Variants in ABLIM2 observed in about 807,000 individuals in gnomAD.
The protein encoded by ABLIM2 is actin-binding LIM protein 2.
Under a neutral mutation model 97.7 loss-of-function variants are expected in ABLIM2, and 53 were observed. The observed-to-expected ratio is 0.54, with a 90% confidence interval of 0.44 to 0.68. The LOEUF is 0.68. Ranked by LOEUF, ABLIM2 falls within the 30% of genes least tolerant of loss-of-function variation. The pLI is 0.00. For synonymous variants in ABLIM2, 361 were observed against 345.8 expected, an observed-to-expected ratio of 1.04 and a Z score of -0.49; for missense variants, 835 against 867.2, an observed-to-expected ratio of 0.96 and a Z score of 0.47.
chr4:8,010,373 C>G, intron 14 of ABLIM2: 1 of 985,820 alleles, frequency 1.0e-6, no homozygotes, highest in Non-Finnish European at 1.2e-6. Context: ...GTCTCCGTCC[C>G]CAGCCCGCCA....
chr4:8,040,310 G>A (rs919564555), intron 9 of ABLIM2, among the ~76,000 whole-genome samples: 12 of 152,108 alleles, frequency 7.9e-5, no homozygotes, highest in Admixed American at 3.3e-4. Context: ...ACCAGCAGAG[G>A]TGAGATAAAA....
rs1848428688 is a variant in ABLIM2, at chr4:8,127,325, G to A, written c.11-20688C>T. Among the ~76,000 whole-genome samples the A allele has an allele frequency of 6.6e-6, 1 of 152,158 alleles. No individual in the cohort carries two copies. The highest frequency in any genetic ancestry group is 2.4e-5 in the African/African-American group (1 of 41,444). ...GGGGTCACCCTCCTCACCCCACAGT[G>A]CTGTCCATAGAGAGTGTCCCCGAAG... On this transcript the variant is annotated intron_variant, in intron 1 of 20. Transcript: ENST00000447017. The surrounding 1 kb of genome is among the most constrained non-coding windows in gnomAD (Gnocchi z 7.3).
intron 2 of ABLIM2, among the ~76,000 whole-genome samples, chr4:8,097,972 T>C (rs1279942796): frequency 1.3e-5 from 2 of 152,182 alleles, no homozygotes; most frequent in East Asian, 1.9e-4. Context: ...TGGAGCTCCA[T>C]GGAGGGCTGA....
intron 6 of ABLIM2, among the ~76,000 whole-genome samples, chr4:8,064,229 G>C (rs1805472580): frequency 6.6e-6 from 1 of 152,160 alleles, no homozygotes; most frequent in Admixed American, 6.5e-5. Flanking sequence ...ATTCTTCTTT[G>C]TGGCACCGAG....
At chr4:8,027,472 A>G (rs369987521) in intron 12 of ABLIM2, among the ~76,000 whole-genome samples, 2 of 152,214 alleles carry the variant, frequency 1.3e-5, no homozygotes, top group African/African-American at 4.8e-5. Context: ...GGTTCTGAGG[A>G]CAAAGCCTGT....
chr4:8,031,115 C>A (rs1270818760), intron 10 of ABLIM2, among the ~76,000 whole-genome samples: 1 of 152,208 alleles, frequency 6.6e-6, no homozygotes, highest in Non-Finnish European at 1.5e-5. Flanking sequence ...ACTGGGAATC[C>A]TGGCTGTGTG....
At chr4:8,006,178 G>A (rs1022729790) in intron 16 of ABLIM2, among the ~76,000 whole-genome samples, 11 of 152,236 alleles carry the variant, frequency 7.2e-5, no homozygotes, top group African/African-American at 2.7e-4. Context: ...AGGAAGCAGT[G>A]CACGAGGTGA....
In ABLIM2 at chr4:7,998,101, C is replaced by G. The variant is rs60343552; in HGVS notation, c.1619-5174G>C. On this transcript the variant is annotated intron_variant, in intron 16 of 20. Coordinates refer to ENST00000447017, the MANE Select transcript of ABLIM2 (RefSeq NM_001130083.2). This position sits in a 1 kb window ranked among gnomAD's most constrained non-coding sequence, Gnocchi z 6.4. ...TCTCCATGTTGATCGGGCTCGTCTTCAACTCCTGATCTCAGGTGATCTGAT... is the reference window on the plus strand; with the variant it reads ...TCTCCATGTTGATCGGGCTCGTCTTGAACTCCTGATCTCAGGTGATCTGAT... 0.14 allele frequency among the ~76,000 whole-genome samples: 21,850 copies of G among 151,898 alleles called. 1,993 individuals carry two copies. Among genetic ancestry groups the G allele is most frequent in the African/African-American group, 0.26 (10,752 of 41,384 alleles).
intron 2 of ABLIM2, among the ~76,000 whole-genome samples, chr4:8,104,839 T>G (rs1232427609): frequency 6.6e-6 from 1 of 152,190 alleles, no homozygotes; most frequent in Admixed American, 6.5e-5. Context: ...TCAAGCTTCC[T>G]TTTCAAGCAA....
intron 10 of ABLIM2, 34 bp from the exon 11 acceptor site, chr4:8,029,810 G>A: frequency 6.4e-7 from 1 of 1,554,784 alleles, no homozygotes. Context: ...GAACACTGGA[G>A]CCGGGAGCAC....
rs776964768 is a variant in ABLIM2, at chr4:8,029,714, C to T, written c.1110G>A (p.Ser370=). ...CRTSSPSSTG[S]VSLGRYTPTS... ...TCGGAGTGTAGCGCCCGAGGCTAACCGACCCAGTGGAGCTTGGGCTGGAGG... is the reference window on the plus strand; with the variant it reads ...TCGGAGTGTAGCGCCCGAGGCTAACTGACCCAGTGGAGCTTGGGCTGGAGG... Residue 370 remains serine (S), a synonymous_variant, in exon 11 of 21, where the codon TCG becomes TCA. Transcript: ENST00000447017. 3.1e-5 allele frequency: 48 copies of T among 1,553,316 alleles called. No homozygotes were observed. The highest frequency in any genetic ancestry group is 5.9e-5 in the South Asian group (5 of 84,184).
At chr4:8,102,867 TG>T (rs1325817505) in intron 2 of ABLIM2, among the ~76,000 whole-genome samples, 1 of 152,116 alleles carries the variant, frequency 6.6e-6, no homozygotes, top group Non-Finnish European at 1.5e-5. Flanking sequence ...TCTTTGCCGG[TG>T]GGGGTGAACG....
At position 8,072,152 on chromosome 4, in the gene ABLIM2, A is replaced by T; in HGVS notation, c.675+5476T>A. ...CCCCAGGAGGCCCTTTCTCCTCCAC[A>T]GCAGAGGAGGAGGAAAAAACCCAGA... On this transcript the variant is annotated intron_variant, in intron 6 of 20. Transcript: ENST00000447017. This position sits in a 1 kb window ranked among gnomAD's most constrained non-coding sequence, Gnocchi z 5.8. The T allele has an allele frequency of 2.6e-6, 2 of 778,640 alleles. No individual in the cohort carries two copies. The highest frequency in any genetic ancestry group is 3.1e-6 in the Non-Finnish European group (2 of 640,968). 48.2% of individuals were successfully genotyped at this position (778,640 alleles called of 1,614,324 possible). A position where few individuals can be genotyped will look rare whatever the true frequency, so the allele number is the denominator to read the frequency against.
chr4:8,136,151 T>A (rs1418890755), intron 1 of ABLIM2, among the ~76,000 whole-genome samples: 1 of 152,176 alleles, frequency 6.6e-6, no homozygotes, highest in Non-Finnish European at 1.5e-5. Flanking sequence ...CGACAGAGGC[T>A]ACAGCATGGA....
intron 3 of ABLIM2, among the ~76,000 whole-genome samples, chr4:8,092,894 G>A (rs1023214410): frequency 1.3e-5 from 2 of 152,070 alleles, no homozygotes; most frequent in Non-Finnish European, 2.9e-5. Flanking sequence ...TGTCACCCAG[G>A]CTGGAGTGCA....
chr4:8,036,235 C>T lies in ABLIM2; in HGVS notation c.961G>A (p.Ala321Thr), dbSNP rs753436301. The T allele has an allele frequency of 5.6e-6, 9 of 1,613,730 alleles. No individual in the cohort carries two copies. The Admixed American group carries it at 1.5e-4, about 27-fold the overall frequency. The change falls in exon 10 of 21, where the codon GCC becomes ACC. Residue 321 changes from alanine to threonine, a missense_variant. Transcript: ENST00000447017. ...TCGGGGCGGTCGATGTCATAGATGG[C>T]CTTACTTTTAGGAAGGGCTGCCAAG... ...RDLAALPKSKAIYDIDRPDMI... is the reference protein window; with the variant it reads ...RDLAALPKSKTIYDIDRPDMI...
rs987608281 is a variant in ABLIM2, at chr4:8,082,834, G to A, written c.455-2032C>T. ...CGACCCCCACATCACCCAATCTGCC[G>A]CGCTCCTTCCTGTGTCTCTGCAGAG... On this transcript the variant is annotated intron_variant, in intron 4 of 20. Coordinates refer to ENST00000447017, the MANE Select transcript of ABLIM2 (RefSeq NM_001130083.2). The surrounding 1 kb of genome is among the most constrained non-coding windows in gnomAD (Gnocchi z 5.6). Among the ~76,000 whole-genome samples, 11 of 152,318 alleles carry A rather than the reference G, an allele frequency of 7.2e-5. No individual in the cohort carries two copies. Among genetic ancestry groups the A allele is most frequent in the African/African-American group, 2.2e-4 (9 of 41,562 alleles).
intron 2 of ABLIM2, among the ~76,000 whole-genome samples, chr4:8,103,080 C>T (rs953578035): frequency 2.0e-5 from 3 of 152,216 alleles, no homozygotes; most frequent in Admixed American, 6.5e-5. Flanking sequence ...ACTGCTGACA[C>T]GCACAGGGTG....
intron 6 of ABLIM2, among the ~76,000 whole-genome samples, chr4:8,064,214 T>C (rs1805459008): frequency 6.6e-6 from 1 of 152,246 alleles, no homozygotes; most frequent in East Asian, 1.9e-4. Flanking sequence ...CTTTGTCCAG[T>C]GCTCATTCTT....
Sources: gnomAD v4.1 joint callset for allele counts (sites outside exome capture counted in the v4.1 genomes callset) on GRCh38, gnomAD v4.1.1 for gene constraint, Gnocchi (gnomAD v3.1) non-coding constraint, MANE v1.5 for transcripts, NCBI Gene and HGNC (gene_info 2026-07-23, HGNC 2026-07-21) for gene names.